COL4A5: variants seen among roughly 807,000 people sequenced by gnomAD.
COL4A5 encodes the protein collagen type IV alpha 5 chain, also known as collagen alpha-5(IV) chain.
COL4A5 carries 26 observed loss-of-function variants against 130.2 expected under a neutral mutation model. The ratio of observed to expected loss-of-function variants is 0.20; its 90% CI spans 0.15 to 0.28. The LOEUF (loss-of-function observed/expected upper bound fraction) is 0.28. Ranked by LOEUF, COL4A5 falls within the 10% of genes least tolerant of loss-of-function variation. The probability of loss-of-function intolerance (pLI) is 1.00; values close to 1 mark genes in which losing one functional copy is unlikely to be tolerated. For missense variants in COL4A5, 1,131 were observed against 1,344.3 expected, an observed-to-expected ratio of 0.84 and a Z score of 2.48; for synonymous variants, 496 against 439.6, an observed-to-expected ratio of 1.13 and a Z score of -1.60.
At chrX:108,601,821 C>G (rs2066634708) in intron 26 of COL4A5, 64 bp from the exon 27 acceptor site, 1 of 665,994 alleles carries the variant, frequency 1.5e-6, no homozygotes, top group Non-Finnish European at 2.4e-6. Context: ...TGAGCCACTG[C>G]ACCTGGCCCT....
rs775988576 is a variant in COL4A5, at chrX:108,601,947, G to A, written c.2104G>A (p.Gly702Ser). 8.6e-7 allele frequency: 1 copy of A among 1,167,460 alleles called. No homozygotes were observed. Among genetic ancestry groups the A allele is most frequent in the Admixed American group, 2.5e-5 (1 of 40,663 alleles). ...PGIPGSKGEP[G>S]IPGIGLPGPP... is the part of the protein sequence containing the mutation. ...GATACCTGGTAGCAAAGGAGAACCA[G>A]GTATCCCTGGAATTGGGCTTCCTGG... is the stretch of plus-strand genomic sequence containing the variant. The change falls in exon 27 of 53, where the codon GGT becomes AGT. Residue 702 changes from glycine to serine, a missense_variant. Gly to Ser is a moderately conservative substitution (Grantham distance 56). Transcript: ENST00000328300.
intron 1 of COL4A5, among the ~76,000 whole-genome samples, chrX:108,458,558 T>A (rs773082611): frequency 8.9e-6 from 1 of 111,899 alleles, no homozygotes; most frequent in South Asian, 3.7e-4. Context: ...CCTTGGCAAT[T>A]TGTACAAGTA....
intron 2 of COL4A5, among the ~76,000 whole-genome samples, chrX:108,550,707 G>C (rs73526242): frequency 2.4e-4 from 27 of 111,255 alleles, no homozygotes; most frequent in African/African-American, 8.9e-4. Context: ...AAAAGTATCC[G>C]TATTGAAAAG....
At chrX:108,642,001 G>A (rs2067476956) in intron 36 of COL4A5, among the ~76,000 whole-genome samples, 1 of 111,770 alleles carries the variant, frequency 8.9e-6, no homozygotes, top group Non-Finnish European at 1.9e-5. Flanking sequence ...AAGTTCTCAA[G>A]CCCTGCTCAC....
intron 41 of COL4A5, among the ~76,000 whole-genome samples, chrX:108,668,860 T>G (rs948526016): frequency 8.9e-6 from 1 of 112,222 alleles, no homozygotes; most frequent in African/African-American, 3.2e-5. Flanking sequence ...TTTTTAAATG[T>G]GAGCTTCTCA....
chrX:108,487,392 A>C (rs973846139), intron 1 of COL4A5, among the ~76,000 whole-genome samples: 1 of 94,883 alleles, frequency 1.1e-5, no homozygotes, highest in Non-Finnish European at 2.1e-5. Context: ...CTCTGTCTCA[A>C]AAAAAAAAAA....
At chrX:108,464,131 G>T (rs1048535452) in intron 1 of COL4A5, among the ~76,000 whole-genome samples, 1 of 111,481 alleles carries the variant, frequency 9.0e-6, no homozygotes, top group Non-Finnish European at 1.9e-5. Flanking sequence ...AGGATCTATA[G>T]TGTCCTCTTC....
intron 1 of COL4A5, among the ~76,000 whole-genome samples, chrX:108,446,436 C>T (rs1027022154): frequency 8.9e-6 from 1 of 111,962 alleles, no homozygotes; most frequent in African/African-American, 3.2e-5. Flanking sequence ...TTTATTGCTA[C>T]AGCCGCCTTC....
intron 24 of COL4A5, among the ~76,000 whole-genome samples, chrX:108,598,276 A>G (rs763380775): frequency 3.6e-5 from 4 of 112,049 alleles, no homozygotes; most frequent in Non-Finnish European, 7.5e-5. Flanking sequence ...CTTAGAGAAT[A>G]GTACAAGTAG....
At chrX:108,548,484 G>T (rs1423269220) in intron 2 of COL4A5, among the ~76,000 whole-genome samples, 1 of 110,794 alleles carries the variant, frequency 9.0e-6, no homozygotes, top group African/African-American at 3.3e-5. Context: ...AGTGTCAAAT[G>T]GTCTAATACA....
At chrX:108,458,467 C>T (rs1423240199) in intron 1 of COL4A5, among the ~76,000 whole-genome samples, 22 of 111,692 alleles carry the variant, frequency 2.0e-4, no homozygotes. Context: ...GTAAGTTCTC[C>T]AAATTTGTTC....
In COL4A5 at chrX:108,621,910, C is replaced by T; in HGVS notation, c.2767+18C>T. 9.1e-7 allele frequency: 1 copy of T among 1,094,221 alleles called. No individual in the cohort carries two copies. The highest frequency in any genetic ancestry group is 1.3e-6 in the Non-Finnish European group (1 of 789,697). The allele number at this position is 1,094,221 out of a possible 1,213,427, so 90.2% of individuals were successfully genotyped here. ...TCTTAAAGGTAATAATCAAGGTTTG[C>T]TGCCAGACGTATGTGAGAGGGAAAA... On this transcript the variant is annotated intron_variant, in intron 32 of 52. Coordinates refer to ENST00000328300, the MANE Select transcript of COL4A5 (RefSeq NM_033380.3).
intron 3 of COL4A5, among the ~76,000 whole-genome samples, chrX:108,562,047 C>A (rs1263667834): frequency 8.9e-6 from 1 of 111,999 alleles, no homozygotes; most frequent in East Asian, 2.8e-4. Flanking sequence ...CCAGGAGTAG[C>A]ACAGAAGTAT....
chrX:108,600,892 G>T (rs959466295), intron 25 of COL4A5, among the ~76,000 whole-genome samples: 1 of 111,258 alleles, frequency 9.0e-6, no homozygotes, highest in African/African-American at 3.3e-5. Context: ...ATGTCCAAGG[G>T]TAGGAGAGGA....
chrX:108,568,780 G>A lies in COL4A5; in HGVS notation c.343G>A (p.Ala115Thr). 3 of 1,210,984 alleles carry A rather than the reference G, an allele frequency of 2.5e-6. No individual in the cohort carries two copies. The highest frequency in any genetic ancestry group is 2.2e-6 in the Non-Finnish European group (2 of 895,006). The change falls in exon 6 of 53, where the codon GCC becomes ACC. Residue 115 changes from alanine (A) to threonine (T), a missense_variant. By Grantham distance (58) the Ala-to-Thr change is moderately conservative (BLOSUM62 0). Transcript: ENST00000328300. ...AAAGGGAATGCCAGGCCACGATGGGGCCCCAGGACCTCAAGGTATTCCCGG... is the reference window on the plus strand; with the variant it reads ...AAAGGGAATGCCAGGCCACGATGGGACCCCAGGACCTCAAGGTATTCCCGG... ...GLPGMPGHDG[A>T]PGPQGIPGCN...
intron 41 of COL4A5, among the ~76,000 whole-genome samples, chrX:108,668,823 T>G (rs1288850165): frequency 8.9e-6 from 1 of 111,923 alleles, no homozygotes; most frequent in African/African-American, 3.2e-5. Context: ...ACTATACTGT[T>G]AACCTGTCAG....
intron 1 of COL4A5, among the ~76,000 whole-genome samples, chrX:108,519,561 A>G (rs190113929): frequency 9.0e-6 from 1 of 110,853 alleles, no homozygotes; most frequent in Non-Finnish European, 1.9e-5. Context: ...TCTCCTCCCA[A>G]TGTGTTACTG....
At chrX:108,471,971 A>G (rs1603250175) in intron 1 of COL4A5, among the ~76,000 whole-genome samples, 2 of 111,584 alleles carry the variant, frequency 1.8e-5, no homozygotes, top group African/African-American at 6.5e-5. Context: ...GTAAGCATCG[A>G]CTACTATAAA....
chrX:108,611,865 C>A (rs771435040), intron 29 of COL4A5, among the ~76,000 whole-genome samples: 2 of 110,844 alleles, frequency 1.8e-5, no homozygotes, highest in Non-Finnish European at 3.8e-5. Flanking sequence ...AGCTGTAGAC[C>A]AATATCTCTC....
Sources: allele counts gnomAD v4.1 joint callset (sites outside exome capture counted in the v4.1 genomes callset), GRCh38; gene constraint gnomAD v4.1.1; transcripts MANE v1.5; gene names NCBI Gene and HGNC (gene_info 2026-07-23, HGNC 2026-07-21).